CNNM2: variants seen among roughly 807,000 people sequenced by gnomAD.
CNNM2 encodes the protein metal transporter CNNM2.
Under a neutral mutation model 66.9 loss-of-function variants are expected in CNNM2, and 12 were observed. That is an observed-to-expected ratio of 0.18 (90% CI 0.11 to 0.29). The LOEUF (loss-of-function observed/expected upper bound fraction) is 0.29, where lower values mean the gene tolerates loss of function less well. Ranked by LOEUF, CNNM2 falls within the 10% of genes least tolerant of loss-of-function variation. The pLI, the probability that CNNM2 is intolerant of heterozygous loss-of-function variation, is 1.00. For synonymous variants in CNNM2, 557 were observed against 501.8 expected (o/e 1.11, Z -1.47); for missense variants, 705 against 1,167.7 (o/e 0.60, Z 5.77).
At chr10:103,007,151 C>T (rs777088908) in intron 1 of CNNM2, among the ~76,000 whole-genome samples, 4 of 152,128 alleles carry the variant, frequency 2.6e-5, no homozygotes, top group Non-Finnish European at 5.9e-5. Flanking sequence ...ACTGCAAAAC[C>T]AGCAGGCTTT....
chr10:102,981,218 C>T (rs1288433213), intron 1 of CNNM2, among the ~76,000 whole-genome samples: 3 of 151,890 alleles, frequency 2.0e-5, no homozygotes, highest in African/African-American at 7.3e-5. Context: ...GGTGTGATGG[C>T]GTGTGCCTGT....
chr10:103,018,128 G>T (rs1186755601), intron 1 of CNNM2, among the ~76,000 whole-genome samples: 1 of 152,074 alleles, frequency 6.6e-6, no homozygotes, highest in Admixed American at 6.6e-5. Flanking sequence ...TTCTGCAAAG[G>T]ACTTACTGTG....
intron 1 of CNNM2, among the ~76,000 whole-genome samples, chr10:102,985,999 T>C (rs1416268347): frequency 6.6e-6 from 1 of 152,194 alleles, no homozygotes; most frequent in Non-Finnish European, 1.5e-5. Context: ...CCAGACCATG[T>C]CTGTGCTTGC....
chr10:102,998,932 T>A (rs1230986582), intron 1 of CNNM2, among the ~76,000 whole-genome samples: 2 of 152,068 alleles, frequency 1.3e-5, no homozygotes, highest in African/African-American at 4.8e-5. Context: ...TGAGACAGGG[T>A]CTTATTCTGT....
Position 103,016,634 on chromosome 10 carries a change from G to A in CNNM2, c.1622-33073G>A, listed in dbSNP as rs10509763. 0.1 allele frequency among the ~76,000 whole-genome samples: 15,875 copies of A among 152,192 alleles called. 857 individuals are homozygous for A. The highest frequency in any genetic ancestry group is 0.17 in the Middle Eastern group (50 of 294). On this transcript the variant is annotated intron_variant, in intron 1 of 7. Transcript: ENST00000369878. ...AGCGGTGTGATTAAATTACAGTGTC[G>A]TCTAAACTTTCTATGATGTAACTGG... is the stretch of plus-strand genomic sequence containing the variant.
rs1450573365 is a variant in CNNM2, at chr10:102,918,560, T to C, written c.80T>C (p.Met27Thr). ...QAAAALPTWKMAARRSLSARG... is the reference protein window; with the variant it reads ...QAAAALPTWKTAARRSLSARG... ...GCCGCCGCACTGCCCACTTGGAAGA[T>C]GGCGGCGCGCCGCAGCCTCAGCGCT... The change falls in exon 1 of 8, where the codon ATG (methionine) becomes ACG (threonine). Residue 27 changes from methionine to threonine, a missense_variant. Met to Thr is a moderately conservative substitution (Grantham distance 81). Transcript: ENST00000369878. The surrounding 1 kb of genome is among the most constrained non-coding windows in gnomAD (Gnocchi z 4.1). The C allele has an allele frequency of 6.3e-7, 1 of 1,590,046 alleles. No individual in the cohort carries two copies. Among genetic ancestry groups the C allele is most frequent in the Non-Finnish European group, 8.5e-7 (1 of 1,171,932 alleles).
chr10:102,965,727 G>T (rs1434465520), intron 1 of CNNM2, among the ~76,000 whole-genome samples: 1 of 152,150 alleles, frequency 6.6e-6, no homozygotes, highest in Non-Finnish European at 1.5e-5. Flanking sequence ...GACGCAAATT[G>T]TGATTTTAAA....
At chr10:103,017,963 C>CAAAAAAAAAAAAAAAAAAAAA (rs59984156) in intron 1 of CNNM2, among the ~76,000 whole-genome samples, 12 of 78,858 alleles carry the variant, frequency 1.5e-4, no homozygotes, top group East Asian at 3.0e-4. Flanking sequence ...GAATCTGTCT[C>CAAAAAAAAAAAAAAAAAAAAA]AAAAAAAAAA....
intron 1 of CNNM2, among the ~76,000 whole-genome samples, chr10:103,006,397 G>A (rs1410998103): frequency 6.6e-6 from 1 of 152,044 alleles, no homozygotes; most frequent in East Asian, 1.9e-4. Flanking sequence ...GGTAGAGACT[G>A]GGTTTCACCA....
At chr10:103,051,300 A>G (rs556558954) in intron 2 of CNNM2, among the ~76,000 whole-genome samples, 1 of 152,204 alleles carries the variant, frequency 6.6e-6, no homozygotes, top group East Asian at 1.9e-4. Context: ...GCGTGGTGGC[A>G]CATGCCTGTA....
intron 1 of CNNM2, among the ~76,000 whole-genome samples, chr10:102,975,332 T>G (rs1166395586): frequency 2.0e-5 from 3 of 152,154 alleles, no homozygotes; most frequent in African/African-American, 7.2e-5. Context: ...AATTTATTAT[T>G]TTGCAACTGA....
At chr10:103,070,376 G>A (rs2065556480) in intron 5 of CNNM2, among the ~76,000 whole-genome samples, 1 of 152,180 alleles carries the variant, frequency 6.6e-6, no homozygotes, top group East Asian at 1.9e-4. Flanking sequence ...CAGCTCATGT[G>A]ATTATTAGAA....
intron 1 of CNNM2, chr10:102,927,752 CAA>C: frequency 4.4e-6 from 1 of 226,020 alleles, no homozygotes; most frequent in Non-Finnish European, 8.7e-6. Context: ...GACTCTGTCT[CAA>C]AAAAAAAGGA....
chr10:103,059,473 G>T (rs563188081), intron 4 of CNNM2, among the ~76,000 whole-genome samples: 2 of 152,248 alleles, frequency 1.3e-5, no homozygotes, highest in Admixed American at 6.5e-5. Flanking sequence ...CAAGGAAAAT[G>T]ACCTAAGTAA....
intron 6 of CNNM2, among the ~76,000 whole-genome samples, chr10:103,075,348 C>T (rs1039459799): frequency 2.6e-5 from 4 of 152,140 alleles, no homozygotes; most frequent in African/African-American, 7.2e-5. Context: ...TTTTTAATGA[C>T]GTTTCCATTA....
chr10:102,952,104 A>AT (rs908744659), intron 1 of CNNM2, among the ~76,000 whole-genome samples: 9 of 151,546 alleles, frequency 5.9e-5, no homozygotes, highest in Non-Finnish European at 1.3e-4. Flanking sequence ...CGCCCGGCCA[A>AT]TTTTTTAAAT....
At chr10:102,925,345 A>T (rs1845822818) in intron 1 of CNNM2, among the ~76,000 whole-genome samples, 1 of 146,330 alleles carries the variant, frequency 6.8e-6, no homozygotes, top group South Asian at 2.2e-4. Flanking sequence ...TGGGTCACTT[A>T]ATAAGAGTAA....
At chr10:103,049,884 C>A in intron 2 of CNNM2, 34 bp downstream of exon 2, 1 of 1,603,152 alleles carries the variant, frequency 6.2e-7, no homozygotes, top group Non-Finnish European at 8.5e-7. Context: ...TTTCCCGAAA[C>A]CTTTGCTTTT....
At chr10:103,024,586 C>G (rs950706074) in intron 1 of CNNM2, among the ~76,000 whole-genome samples, 1 of 152,080 alleles carries the variant, frequency 6.6e-6, no homozygotes, top group Admixed American at 6.6e-5. Flanking sequence ...TCAAGCGATT[C>G]TCCTGCCTCA....
Sources: allele counts gnomAD v4.1 joint callset (sites outside exome capture counted in the v4.1 genomes callset), GRCh38; gene constraint gnomAD v4.1.1; non-coding constraint Gnocchi (gnomAD v3.1); transcripts MANE v1.5; gene names NCBI Gene and HGNC (gene_info 2026-07-23, HGNC 2026-07-21).